The following ZNF774 variants were observed in gnomAD, a reference collection of about 807,000 sequenced individuals.
The protein encoded by ZNF774 is zinc finger protein 774.
In ZNF774, 14 loss-of-function variants were observed where a neutral mutation model predicts 11.1. The ratio of observed to expected loss-of-function variants is 1.26; its 90% CI spans 0.83 to 1.97. The LOEUF (loss-of-function observed/expected upper bound fraction) is 1.97. Among genes scored for constraint, ZNF774 ranks in the 30% most tolerant of loss-of-function variants. ZNF774 has a pLI of 0.00. For synonymous variants in ZNF774, 195 were observed against 212.6 expected (o/e 0.92, Z 0.72); for missense variants, 599 against 587.0 (o/e 1.02, Z -0.21).
At chr15:90,354,360 C>T (rs1964215300) in intron 1 of ZNF774, among the ~76,000 whole-genome samples, 1 of 152,336 alleles carries the variant, frequency 6.6e-6, no homozygotes, top group Admixed American at 6.5e-5. Context: ...TCATCGTGGA[C>T]AATTTGTTCC....
Position 90,361,693 on chromosome 15 carries a change from T to C in ZNF774, c.*410T>C. The stretch of plus-strand genomic sequence containing the variant: ...TGGGCATGGTGGCACGTGCCTGTAG[T>C]CCCAGCTACTCGGGAGGCCGAGGCA... On this transcript the variant is annotated 3_prime_UTR_variant, in exon 4 of 4. Coordinates refer to ENST00000354377, the MANE Select transcript of ZNF774 (RefSeq NM_001004309.3). 1 of 191,936 alleles carries C rather than the reference T, an allele frequency of 5.2e-6. No homozygotes were observed. The highest frequency in any genetic ancestry group is 1.0e-5 in the Non-Finnish European group (1 of 100,112). 11.9% of individuals were successfully genotyped at this position (191,936 alleles called of 1,614,324 possible).
At position 90,360,952 on chromosome 15, in the gene ZNF774, C is replaced by A; in HGVS notation, c.1121C>A (p.Pro374His). Residue 374 changes from proline (P) to histidine (H), a missense_variant, in exon 4 of 4, where the codon CCT becomes CAT. Coordinates refer to ENST00000354377, the MANE Select transcript of ZNF774 (RefSeq NM_001004309.3). ...CAAAGAACACACACAGGTGAGAGACCTTTTAAGTGCGAAAACTGTGGGAAA... is the reference window on the plus strand; with the variant it reads ...CAAAGAACACACACAGGTGAGAGACATTTTAAGTGCGAAAACTGTGGGAAA... ...THQRTHTGER[P>H]FKCENCGKGF... 1.2e-6 allele frequency: 2 copies of A among 1,614,192 alleles called. No homozygotes were observed. Among genetic ancestry groups the A allele is most frequent in the Middle Eastern group, 1.6e-4 (1 of 6,062 alleles).
At chr15:90,355,207 T>C in intron 2 of ZNF774, 1 of 442,526 alleles carries the variant, frequency 2.3e-6, no homozygotes, top group South Asian at 1.6e-5. Context: ...TCCAGACCTC[T>C]GTAAGATTAA....
chr15:90,357,420 C>T (rs1031413467), intron 2 of ZNF774, among the ~76,000 whole-genome samples: 2 of 152,148 alleles, frequency 1.3e-5, no homozygotes, highest in Non-Finnish European at 2.9e-5. Flanking sequence ...GAGAGAATCG[C>T]TTGAGCCAGG....
chr15:90,360,453 C>G lies in ZNF774; in HGVS notation c.622C>G (p.Gln208Glu). The G allele has an allele frequency of 2.5e-6, 4 of 1,613,258 alleles. No individual in the cohort carries two copies. The highest frequency in any genetic ancestry group is 3.4e-6 in the Non-Finnish European group (4 of 1,179,936). ...AACACACACAGGAGAGAAGCCCTAC[C>G]AATGCAAGGGGTGTGAGAAGAAATT... ...RRTHTGEKPY[Q>E]CKGCEKKFSD... The change falls in exon 4 of 4, where the codon CAA becomes GAA. Residue 208 changes from glutamine (Q) to glutamate (E), a missense_variant. Coordinates refer to ENST00000354377, the MANE Select transcript of ZNF774 (RefSeq NM_001004309.3).
At chr15:90,355,295 C>A (rs16944254) in intron 2 of ZNF774, 9 of 455,826 alleles carry the variant, frequency 2.0e-5, no homozygotes, top group Non-Finnish European at 2.2e-5. Context: ...ATTTATTGTC[C>A]TTTTAATATC....
At chr15:90,355,722 C>CAAAAAAAA (rs35498554) in intron 2 of ZNF774, among the ~76,000 whole-genome samples, 2 of 40,038 alleles carry the variant, frequency 5.0e-5, no homozygotes, top group Non-Finnish European at 4.4e-5. Context: ...GACTCTGTCT[C>CAAAAAAAA]AAAAAAAAAA....
At position 90,352,303 on chromosome 15, in the gene ZNF774, A is replaced by G. The variant is rs927342250; in HGVS notation, c.-128A>G. The G allele has an allele frequency of 4.6e-5, 7 of 152,342 alleles. No homozygotes were observed. The highest frequency in any genetic ancestry group is 1.5e-5 in the Non-Finnish European group (1 of 68,130). 9.4% of individuals were successfully genotyped at this position (152,342 alleles called of 1,614,324 possible). On this transcript the variant is annotated 5_prime_UTR_variant, in exon 1 of 4. Transcript: ENST00000354377. ...CCACCTGTGTCCCCACAGCCCTGTC[A>G]CGAATCCCGGTCGGGTTCTGGGAGG...
chr15:90,355,744 A>C (rs1964236796), intron 2 of ZNF774, among the ~76,000 whole-genome samples: 1 of 149,378 alleles, frequency 6.7e-6, no homozygotes, highest in Non-Finnish European at 1.5e-5. Context: ...AAAAAAAAAA[A>C]ACAAGGCTGG....
chr15:90,360,827 T>C lies in ZNF774; in HGVS notation c.996T>C (p.Ser332=). ...GCGGGAAGGGCTTCAGAGATAGTTC[T>C]CATTTTGTAGCTCACATGAGCACTC... ...PECGKGFRDS[S]HFVAHMSTHS... is the part of the protein sequence containing the mutation. The change falls in exon 4 of 4, where the codon TCT becomes TCC. Residue 332 remains serine, a synonymous_variant. Coordinates refer to ENST00000354377, the MANE Select transcript of ZNF774 (RefSeq NM_001004309.3). 6.2e-7 allele frequency: 1 copy of C among 1,614,094 alleles called. No homozygotes were observed. Among genetic ancestry groups the C allele is most frequent in the Non-Finnish European group, 8.5e-7 (1 of 1,180,032 alleles).
chr15:90,354,748 G>A lies in ZNF774; in HGVS notation c.88G>A (p.Glu30Lys), dbSNP rs1964220472. 1 of 1,611,900 alleles carries A rather than the reference G, an allele frequency of 6.2e-7. No individual in the cohort carries two copies. Residue 30 changes from glutamate (E) to lysine (K), a missense_variant, in exon 2 of 4, where the codon GAA becomes AAA. Glu to Lys is a moderately conservative substitution (Grantham distance 56, BLOSUM62 1). Transcript: ENST00000354377. ...LQECHPAQLE[E>K]WALKGISRPS... Reference sequence around the variant, plus strand: ...GGAATGCCACCCAGCACAGTTAGAAGAATGGGCTCTCAAAGGGTAAGAATG... The same window carrying A: ...GGAATGCCACCCAGCACAGTTAGAAAAATGGGCTCTCAAAGGGTAAGAATG...
chr15:90,362,767 AC>A lies in ZNF774; in HGVS notation c.*1485del. 1 of 564,264 alleles carries A rather than the reference AC, an allele frequency of 1.8e-6. No individual in the cohort carries two copies. Among genetic ancestry groups the A allele is most frequent in the Admixed American group, 3.0e-5 (1 of 33,754 alleles). The allele number at this position is 564,264 out of a possible 1,614,324, so 35.0% of individuals were successfully genotyped here. A position where few individuals can be genotyped will look rare whatever the true frequency, so the allele number is the denominator to read the frequency against. ...TAAAAATACACACACACACACACAC[AC>A]ACACACACACACACACACTTTGTTG... On this transcript the variant is annotated 3_prime_UTR_variant, in exon 4 of 4. Coordinates refer to ENST00000354377, the MANE Select transcript of ZNF774 (RefSeq NM_001004309.3).
chr15:90,353,909 C>A (rs1344423218), intron 1 of ZNF774, among the ~76,000 whole-genome samples: 1 of 152,074 alleles, frequency 6.6e-6, no homozygotes, highest in East Asian at 1.9e-4. Context: ...AATGACTGAT[C>A]CATCCAGTAA....
chr15:90,355,811 A>G (rs1354029932), intron 2 of ZNF774, among the ~76,000 whole-genome samples: 1 of 150,564 alleles, frequency 6.6e-6, no homozygotes, highest in African/African-American at 2.4e-5. Flanking sequence ...CAGGGAGATC[A>G]CAAGGTCAGG....
chr15:90,358,767 C>A, intron 2 of ZNF774, 84 bp from the exon 3 acceptor site: 1 of 1,068,144 alleles, frequency 9.4e-7, no homozygotes, highest in Non-Finnish European at 1.4e-6. Flanking sequence ...TCTTCCATAC[C>A]TAGGCAGGGA....
At position 90,360,322 on chromosome 15, in the gene ZNF774, C is replaced by T. The variant is rs1281332094; in HGVS notation, c.491C>T (p.Ser164Phe). ...AECGKSFNQSSYLIRHLRTHT... is the reference protein window; with the variant it reads ...AECGKSFNQSFYLIRHLRTHT... ...TGCGGGAAAAGCTTTAACCAGAGTT[C>T]CTATCTCATAAGACACCTAAGAACC... is the stretch of plus-strand genomic sequence containing the variant. The change falls in exon 4 of 4, where the codon TCC (serine) becomes TTC (phenylalanine). Residue 164 changes from serine to phenylalanine, a missense_variant. Transcript: ENST00000354377. The T allele has an allele frequency of 1.2e-6, 2 of 1,614,072 alleles. No individual in the cohort carries two copies. Among genetic ancestry groups the T allele is most frequent in the African/African-American group, 2.7e-5 (2 of 74,916 alleles).
intron 1 of ZNF774, among the ~76,000 whole-genome samples, chr15:90,353,058 C>T (rs1391517978): frequency 6.6e-6 from 1 of 152,044 alleles, no homozygotes; most frequent in East Asian, 1.9e-4. Flanking sequence ...GTCTCCACCT[C>T]CCGGGTTCAG....
chr15:90,358,884 G>A lies in ZNF774; in HGVS notation c.138G>A (p.Glu46=), dbSNP rs1964283595. The part of the protein sequence containing the change: ...ISRPSVISQP[E]QKEEPWVLPL... ...GGCCTAGTGTAATCTCCCAGCCGGA[G>A]CAGAAAGAAGAGCCATGGGTCCTAC... is the stretch of plus-strand genomic sequence containing the variant. Residue 46 remains glutamate (E), a synonymous_variant, in exon 3 of 4, where the codon GAG becomes GAA. Transcript: ENST00000354377. 1.9e-6 allele frequency: 3 copies of A among 1,613,222 alleles called. No individual in the cohort carries two copies. The Admixed American group carries it at 5.0e-5, about 27-fold the overall frequency.
At position 90,360,273 on chromosome 15, in the gene ZNF774, G is replaced by A; in HGVS notation, c.442G>A (p.Gly148Arg). 6.2e-7 allele frequency: 1 copy of A among 1,614,194 alleles called. No homozygotes were observed. Among genetic ancestry groups the A allele is most frequent in the Non-Finnish European group, 8.5e-7 (1 of 1,180,040 alleles). The change falls in exon 4 of 4, where the codon GGA (glycine) becomes AGA (arginine). Residue 148 changes from glycine to arginine, a missense_variant. Gly to Arg is a moderately radical substitution (Grantham distance 125). Transcript: ENST00000354377. ...DLNKLLDGYVGEKPMCAECGK... is the reference protein window; with the variant it reads ...DLNKLLDGYVREKPMCAECGK... ...AAACAAGCTCCTGGATGGATATGTAGGAGAGAAGCCTATGTGTGCAGAATG... is the reference window on the plus strand; with the variant it reads ...AAACAAGCTCCTGGATGGATATGTAAGAGAGAAGCCTATGTGTGCAGAATG...
Sources: gnomAD v4.1 joint callset for allele counts (sites outside exome capture counted in the v4.1 genomes callset) on GRCh38, gnomAD v4.1.1 for gene constraint, MANE v1.5 for transcripts, NCBI Gene and HGNC (gene_info 2026-07-23, HGNC 2026-07-21) for gene names.